The following SLC25A43 variants were observed in gnomAD, a reference collection of about 807,000 sequenced individuals.
The protein encoded by SLC25A43 is solute carrier family 25, member 43.
A neutral mutation model predicts 22.8 loss-of-function variants in SLC25A43; 10 were observed. The ratio of observed to expected loss-of-function variants is 0.44; its 90% CI spans 0.27 to 0.74. SLC25A43 has a LOEUF of 0.74. Ranked by LOEUF, SLC25A43 falls within the 30% of genes least tolerant of loss-of-function variation. The pLI, the probability that SLC25A43 is intolerant of heterozygous loss-of-function variation, is 0.17. For synonymous variants in SLC25A43, 106 were observed against 121.6 expected, an observed-to-expected ratio of 0.87 and a Z score of 0.84; for missense variants, 233 against 279.1, an observed-to-expected ratio of 0.83 and a Z score of 1.18.
intron 2 of SLC25A43, among the ~76,000 whole-genome samples, chrX:119,408,494 T>G (rs1043048126): frequency 4.5e-5 from 5 of 111,289 alleles, no homozygotes; most frequent in Non-Finnish European, 7.5e-5. Context: ...TCTGTTCTCC[T>G]CGATGATGAG....
intron 3 of SLC25A43, among the ~76,000 whole-genome samples, chrX:119,441,436 G>A (rs2147291350): frequency 9.3e-6 from 1 of 107,024 alleles, no homozygotes; most frequent in South Asian, 4.3e-4. Context: ...CTTCTGCGTC[G>A]CTCACGCTGG....
At chrX:119,413,706 CAA>C (rs761049328) in intron 3 of SLC25A43, among the ~76,000 whole-genome samples, 5 of 46,390 alleles carry the variant, frequency 1.1e-4, no homozygotes, top group Admixed American at 5.3e-4. Context: ...GACTCCATCT[CAA>C]AAAAAAAAAA....
intron 3 of SLC25A43, among the ~76,000 whole-genome samples, chrX:119,432,001 A>G (rs1256652313): frequency 1.8e-5 from 2 of 109,624 alleles, no homozygotes; most frequent in Non-Finnish European, 3.8e-5. Flanking sequence ...TAAAAATACA[A>G]AACAGCTGGA....
intron 3 of SLC25A43, among the ~76,000 whole-genome samples, chrX:119,411,799 G>A (rs955891501): frequency 1.8e-5 from 2 of 111,165 alleles, no homozygotes; most frequent in African/African-American, 6.5e-5. Flanking sequence ...GGGTTGATAG[G>A]TGCAGCAAAC....
At chrX:119,431,249 G>T (rs1006017271) in intron 3 of SLC25A43, among the ~76,000 whole-genome samples, 3 of 112,331 alleles carry the variant, frequency 2.7e-5, no homozygotes, top group African/African-American at 9.7e-5. Flanking sequence ...CAGGCGCAGT[G>T]GCTCATGCCT....
At chrX:119,409,976 C>A (rs151283069) in intron 2 of SLC25A43, among the ~76,000 whole-genome samples, 1 of 111,780 alleles carries the variant, frequency 8.9e-6, no homozygotes, top group Non-Finnish European at 1.9e-5. Flanking sequence ...TTTAGTGAAC[C>A]ATTTGATGCA....
chrX:119,402,925 C>G (rs2052251352), intron 1 of SLC25A43, among the ~76,000 whole-genome samples: 1 of 111,611 alleles, frequency 9.0e-6, no homozygotes, highest in Non-Finnish European at 1.9e-5. Context: ...TATGGTTCTT[C>G]TTTTTAATTG....
At chrX:119,402,891 G>T (rs928506766) in intron 1 of SLC25A43, among the ~76,000 whole-genome samples, 1 of 111,638 alleles carries the variant, frequency 9.0e-6, no homozygotes, top group Non-Finnish European at 1.9e-5. Context: ...TCAGATGGGA[G>T]AAGTCTGCGA....
intron 3 of SLC25A43, among the ~76,000 whole-genome samples, chrX:119,437,129 CTCTTT>C (rs2052609810): frequency 3.0e-5 from 1 of 33,633 alleles, no homozygotes; most frequent in African/African-American, 1.3e-4. Flanking sequence ...CATTTGTCTC[CTCTTT>C]TATTTCCTTG....
intron 3 of SLC25A43, among the ~76,000 whole-genome samples, chrX:119,415,737 C>G (rs2052394668): frequency 9.9e-6 from 1 of 101,256 alleles, no homozygotes; most frequent in South Asian, 4.5e-4. Context: ...TGCCGTGACT[C>G]CTGCCTGTAA....
intron 3 of SLC25A43, among the ~76,000 whole-genome samples, chrX:119,413,054 G>A (rs1162068661): frequency 9.1e-6 from 1 of 109,739 alleles, no homozygotes; most frequent in Non-Finnish European, 1.9e-5. Flanking sequence ...AAGAGGTCGA[G>A]GTCACAGTGA....
In SLC25A43 at chrX:119,446,355, C is replaced by G. The variant is rs1160598164; in HGVS notation, c.691-5654C>G. Among the ~76,000 whole-genome samples, 4 of 110,692 alleles carry G rather than the reference C, an allele frequency of 3.6e-5. No homozygotes were observed. In the Admixed American group the frequency reaches 3.9e-4, roughly 11 times the overall value. On this transcript the variant is annotated intron_variant, in intron 3 of 4. Transcript: ENST00000217909. ...CCTGAGGGAAAGAGACAGGAAACAA[C>G]TAACTGGAATATAAAACAGAATAAA...
intron 1 of SLC25A43, among the ~76,000 whole-genome samples, chrX:119,400,648 A>G (rs775859740): frequency 1.8e-5 from 2 of 112,052 alleles, no homozygotes; most frequent in African/African-American, 3.2e-5. Context: ...TTGCCTTGAC[A>G]CTGTCACTCA....
At chrX:119,402,481 G>A (rs1462682399) in intron 1 of SLC25A43, among the ~76,000 whole-genome samples, 5 of 111,849 alleles carry the variant, frequency 4.5e-5, no homozygotes. Flanking sequence ...TCTAATAAAC[G>A]TTAGTTTGGG....
intron 3 of SLC25A43, among the ~76,000 whole-genome samples, chrX:119,451,236 C>T (rs901248863): frequency 9.9e-5 from 11 of 111,508 alleles, no homozygotes; most frequent in South Asian, 3.8e-4. Flanking sequence ...AATAGGGTTC[C>T]GTCAGGATGG....
At chrX:119,428,813 G>C (rs2052530165) in intron 3 of SLC25A43, among the ~76,000 whole-genome samples, 2 of 111,738 alleles carry the variant, frequency 1.8e-5, no homozygotes, top group African/African-American at 6.5e-5. Context: ...GGCGGCATTA[G>C]ATTCTCATAG....
chrX:119,411,986 A>T (rs1033067849), intron 3 of SLC25A43, among the ~76,000 whole-genome samples: 4 of 111,907 alleles, frequency 3.6e-5, no homozygotes, highest in African/African-American at 1.3e-4. Flanking sequence ...CTCTATAGAA[A>T]TTAATTTGGG....
Position 119,447,556 on chromosome X carries a change from CT to C in SLC25A43, c.691-4452del, listed in dbSNP as rs757532615. ...CTCCTGGGCTCAAGCAATCCTCCCCCTATGGCCTCCCAAAGTGCTGGGATTG... is the reference window on the plus strand; with the variant it reads ...CTCCTGGGCTCAAGCAATCCTCCCCCATGGCCTCCCAAAGTGCTGGGATTG... On this transcript the variant is annotated intron_variant, in intron 3 of 4. Transcript: ENST00000217909. 2.7e-5 allele frequency among the ~76,000 whole-genome samples: 3 copies of C among 111,416 alleles called. No individual in the cohort carries two copies. The East Asian group carries it at 8.5e-4, about 31-fold the overall frequency.
intron 3 of SLC25A43, 68 bp downstream of exon 3, chrX:119,410,430 C>A: frequency 9.2e-7 from 1 of 1,090,748 alleles, no homozygotes; most frequent in Non-Finnish European, 1.3e-6. Context: ...GTAATAACAG[C>A]AAAGAACACT....
Sources: allele counts gnomAD v4.1 joint callset (sites outside exome capture counted in the v4.1 genomes callset), GRCh38; gene constraint gnomAD v4.1.1; transcripts MANE v1.5; gene names NCBI Gene and HGNC (gene_info 2026-07-23, HGNC 2026-07-21).